ZC3H3: variants seen among roughly 807,000 people sequenced by gnomAD.
ZC3H3 encodes the protein zinc finger CCCH-type containing 3, also known as zinc finger CCCH domain-containing protein 3.
Under a neutral mutation model 77.3 loss-of-function variants are expected in ZC3H3, and 36 were observed. The observed-to-expected ratio is 0.47, with a 90% confidence interval of 0.36 to 0.61. ZC3H3 has a LOEUF of 0.61. Among genes scored for constraint, ZC3H3 ranks in the 20% least tolerant of loss-of-function variants. The pLI, the probability that ZC3H3 is intolerant of heterozygous loss-of-function variation, is 0.00. For missense variants in ZC3H3, 1,331 were observed against 1,312.2 expected (o/e 1.01, Z -0.22); for synonymous variants, 626 against 555.2 (o/e 1.13, Z -1.79).
chr8:143,503,470 C>CCA (rs937412642), intron 4 of ZC3H3, among the ~76,000 whole-genome samples: 1 of 152,124 alleles, frequency 6.6e-6, no homozygotes, highest in Non-Finnish European at 1.5e-5. Flanking sequence ...AAACCTGAGG[C>CCA]CACTGGTCAG....
rs1046808506 is a variant in ZC3H3 at position 143,505,607 on chromosome 8, G to A, written c.1715+2139C>T. On this transcript the variant is annotated intron_variant, in intron 4 of 11. Transcript: ENST00000262577. ...TCCACAAGCCCAGGGTTCGTGTCCC[G>A]AAGGGTCCCAGACGCCTGGCAAGGA... is the stretch of plus-strand genomic sequence containing the variant. 7.9e-5 allele frequency among the ~76,000 whole-genome samples: 12 copies of A among 152,278 alleles called. No homozygotes were observed. The East Asian group carries it at 1.5e-3, about 20-fold the overall frequency.
At chr8:143,528,597 C>T (rs1435994683) in intron 3 of ZC3H3, among the ~76,000 whole-genome samples, 1 of 152,246 alleles carries the variant, frequency 6.6e-6, no homozygotes, top group Non-Finnish European at 1.5e-5. Context: ...CACTTGCTCA[C>T]TGAGCCTCTG....
intron 3 of ZC3H3, among the ~76,000 whole-genome samples, chr8:143,512,430 GTC>G (rs1821899468): frequency 6.6e-6 from 1 of 152,260 alleles, no homozygotes; most frequent in African/African-American, 2.4e-5. Context: ...CCGTTTCTGT[GTC>G]TTTCCAGTCC....
intron 3 of ZC3H3, among the ~76,000 whole-genome samples, chr8:143,513,802 G>C (rs974069383): frequency 2.0e-5 from 3 of 152,234 alleles, no homozygotes; most frequent in Non-Finnish European, 4.4e-5. Context: ...GCCAGGCCTA[G>C]TCCGAGGCAC....
At chr8:143,455,834 G>T (rs761040038) in intron 9 of ZC3H3, among the ~76,000 whole-genome samples, 1 of 151,778 alleles carries the variant, frequency 6.6e-6, no homozygotes, top group Non-Finnish European at 1.5e-5. Context: ...TTAGTCAGGC[G>T]TGGTGGTACA....
At position 143,536,295 on chromosome 8, in the gene ZC3H3, C is replaced by T. The variant is rs531200439; in HGVS notation, c.1523G>A (p.Arg508His). 1.7e-5 allele frequency: 27 copies of T among 1,611,896 alleles called. No individual in the cohort carries two copies. Among genetic ancestry groups the T allele is most frequent in the South Asian group, 6.6e-5 (6 of 90,824 alleles). The change falls in exon 3 of 12, where the codon CGC becomes CAC. Residue 508 changes from arginine (R) to histidine (H), a missense_variant. Arg to His is a conservative substitution (Grantham distance 29). This residue lies in a region of ZC3H3 where 978 missense variants were observed against 915.5 expected (regional missense o/e 1.07). Transcript: ENST00000262577. ...LVQVTTHRLCRLPPSRAHLPT... is the reference protein window; with the variant it reads ...LVQVTTHRLCHLPPSRAHLPT... ...GAGGTGGGCCCGGCTCGGTGGCAGGCGACATAGTCGGTGCGTGGTGACCTG... is the reference window on the plus strand; with the variant it reads ...GAGGTGGGCCCGGCTCGGTGGCAGGTGACATAGTCGGTGCGTGGTGACCTG...
intron 3 of ZC3H3, among the ~76,000 whole-genome samples, chr8:143,534,525 G>A (rs981623688): frequency 6.6e-6 from 1 of 152,138 alleles, no homozygotes; most frequent in African/African-American, 2.4e-5. Flanking sequence ...GGCCAGGTGA[G>A]CAGGGCTGAA....
At chr8:143,483,237 G>T (rs1820955752) in intron 4 of ZC3H3, among the ~76,000 whole-genome samples, 1 of 152,244 alleles carries the variant, frequency 6.6e-6, no homozygotes, top group South Asian at 2.1e-4. Flanking sequence ...CTTTCCACTG[G>T]AAACGCTGAC....
At chr8:143,517,235 T>C (rs575204715) in intron 3 of ZC3H3, among the ~76,000 whole-genome samples, 14 of 152,318 alleles carry the variant, frequency 9.2e-5, no homozygotes, top group African/African-American at 3.1e-4. Flanking sequence ...ACAGTTGCTA[T>C]AGATTATGGA....
At chr8:143,442,139 G>T (rs1444819832) in intron 9 of ZC3H3, among the ~76,000 whole-genome samples, 1 of 151,878 alleles carries the variant, frequency 6.6e-6, no homozygotes, top group African/African-American at 2.4e-5. Context: ...GGCTGGCCGT[G>T]AGCACCTGCT....
intron 3 of ZC3H3, among the ~76,000 whole-genome samples, chr8:143,515,621 G>A (rs1822014559): frequency 6.6e-6 from 1 of 152,188 alleles, no homozygotes; most frequent in African/African-American, 2.4e-5. Flanking sequence ...CGAGAAGGAA[G>A]GCACCTCTGC....
chr8:143,465,912 C>T, intron 8 of ZC3H3, 64 bp from the exon 9 acceptor site: 1 of 1,556,888 alleles, frequency 6.4e-7, no homozygotes, highest in Non-Finnish European at 8.7e-7. Flanking sequence ...GAGACGGTGG[C>T]TGGGGACCCT....
At chr8:143,474,014 G>T (rs1586900363) in intron 5 of ZC3H3, among the ~76,000 whole-genome samples, 1 of 152,272 alleles carries the variant, frequency 6.6e-6, no homozygotes, top group East Asian at 1.9e-4. Flanking sequence ...GGCCCTGCTG[G>T]GTGACAGGAA....
chr8:143,475,547 C>A lies in ZC3H3; in HGVS notation c.1754G>T (p.Gly585Val). 1 of 1,609,516 alleles carries A rather than the reference C, an allele frequency of 6.2e-7. No individual in the cohort carries two copies. The highest frequency in any genetic ancestry group is 8.5e-7 in the Non-Finnish European group (1 of 1,178,558). The change falls in exon 5 of 12, where the codon GGG (glycine) becomes GTG (valine). Residue 585 changes from glycine to valine, a missense_variant. Coordinates refer to ENST00000262577, the MANE Select transcript of ZC3H3 (RefSeq NM_015117.3). ...GGAGCCCGGTTGGGCTTTCCCACCCCCGCTGGCAACTGGACGCAGGCGGTT... is the reference window on the plus strand; with the variant it reads ...GGAGCCCGGTTGGGCTTTCCCACCCACGCTGGCAACTGGACGCAGGCGGTT... ...VLNRLRPVASGGGKAQPGSPW... is the reference protein window; with the variant it reads ...VLNRLRPVASVGGKAQPGSPW...
At chr8:143,438,988 G>A (rs1446920966) in intron 11 of ZC3H3, among the ~76,000 whole-genome samples, 2 of 152,212 alleles carry the variant, frequency 1.3e-5, no homozygotes, top group Non-Finnish European at 2.9e-5. Context: ...TCCTGGCCAT[G>A]GCCAAGCAGG....
intron 9 of ZC3H3, among the ~76,000 whole-genome samples, chr8:143,442,735 CAGACTT>C (rs1215527109): frequency 3.9e-5 from 6 of 152,244 alleles, no homozygotes; most frequent in East Asian, 1.9e-4. Context: ...TGCCAGGACT[CAGACTT>C]AGTAGGAGCA....
In ZC3H3 at chr8:143,438,074, G is replaced by A. The variant is rs1361479741; in HGVS notation, c.2829C>T (p.His943=). 4 of 1,611,258 alleles carry A rather than the reference G, an allele frequency of 2.5e-6. No homozygotes were observed. Among genetic ancestry groups the A allele is most frequent in the Non-Finnish European group, 3.4e-6 (4 of 1,178,968 alleles). The part of the protein sequence containing the change: ...PLTKDSGKPL[H]IKPRL ...GGGGTCCTCACAGACGTGGTTTGAT[G>A]TGCAGAGGCTTCCCTATGCAAAGAG... is the stretch of plus-strand genomic sequence containing the variant. The change falls in exon 12 of 12, where the codon CAC becomes CAT. Residue 943 remains histidine, a synonymous_variant. Transcript: ENST00000262577.
intron 4 of ZC3H3, among the ~76,000 whole-genome samples, chr8:143,497,889 C>T (rs138642404): frequency 8.5e-5 from 13 of 152,344 alleles, no homozygotes; most frequent in East Asian, 3.9e-4. Context: ...TGGGGCTCCC[C>T]GGTGCTGTGC....
In ZC3H3 at chr8:143,462,048, A is replaced by C. The variant is rs940408393; in HGVS notation, c.2307+3669T>G. ...ACCGTTGAGGGAAAGCACCCACGAC[A>C]TGAAGAAAAACTAAGTGAGGCCCCA... is the stretch of plus-strand genomic sequence containing the variant. On this transcript the variant is annotated intron_variant, in intron 9 of 11. Coordinates refer to ENST00000262577, the MANE Select transcript of ZC3H3 (RefSeq NM_015117.3). This position sits in a 1 kb window ranked among gnomAD's most constrained non-coding sequence, Gnocchi z 4.7. Among the ~76,000 whole-genome samples the C allele has an allele frequency of 1.1e-4, 16 of 151,904 alleles. No individual in the cohort carries two copies. The highest frequency in any genetic ancestry group is 3.9e-4 in the African/African-American group (16 of 41,326).
Sources: gnomAD v4.1 joint callset for allele counts (sites outside exome capture counted in the v4.1 genomes callset) on GRCh38, gnomAD v4.1.1 for gene constraint, gnomAD v4.1.1 regional missense constraint, Gnocchi (gnomAD v3.1) non-coding constraint, MANE v1.5 for transcripts, NCBI Gene and HGNC (gene_info 2026-07-23, HGNC 2026-07-21) for gene names.